The following DMRT1 variants were observed in gnomAD, a reference collection of about 807,000 sequenced individuals.
The protein encoded by DMRT1 is doublesex and mab-3 related transcription factor 1.
DMRT1 carries 7 observed loss-of-function variants against 32.3 expected under a neutral mutation model. The ratio of observed to expected loss-of-function variants is 0.22; its 90% CI spans 0.12 to 0.41. The LOEUF (loss-of-function observed/expected upper bound fraction) is 0.41. DMRT1 is among the 10% of genes least tolerant of loss of function. DMRT1 has a pLI of 1.00. For missense variants in DMRT1, 625 were observed against 500.5 expected (o/e 1.25, Z -2.37); for synonymous variants, 278 against 206.1 (o/e 1.35, Z -2.99).
chr9:962,989 A>G (rs1819824275), intron 4 of DMRT1, among the ~76,000 whole-genome samples: 1 of 152,036 alleles, frequency 6.6e-6, no homozygotes, highest in African/African-American at 2.4e-5. Context: ...TTGGCCTACT[A>G]TTATTTTGTG....
In DMRT1 at chr9:874,699, A is replaced by G. The variant is rs112029687; in HGVS notation, c.539-19213A>G. Reference sequence around the variant, plus strand: ...TTAGGTATGCATCCTCTCTGTGGACACAAAAGGAACTTCCTTCTTGGCTGT... The same window carrying G: ...TTAGGTATGCATCCTCTCTGTGGACGCAAAAGGAACTTCCTTCTTGGCTGT... On this transcript the variant is annotated intron_variant, in intron 2 of 4. Coordinates refer to ENST00000382276, the MANE Select transcript of DMRT1 (RefSeq NM_021951.3). 1.4e-4 allele frequency among the ~76,000 whole-genome samples: 22 copies of G among 152,164 alleles called. 1 individual carries two copies. Among genetic ancestry groups the G allele is most frequent in the Admixed American group, 7.2e-4 (11 of 15,282 alleles).
chr9:842,378 G>A, intron 1 of DMRT1, 186 bp downstream of exon 1: 1 of 725,608 alleles, frequency 1.4e-6, no homozygotes, highest in Non-Finnish European at 2.2e-6. Context: ...GGGACTACAG[G>A]CGCACACCAC....
At chr9:869,795 A>G (rs1251936363) in intron 2 of DMRT1, among the ~76,000 whole-genome samples, 1 of 151,906 alleles carries the variant, frequency 6.6e-6, no homozygotes, top group African/African-American at 2.4e-5. Context: ...CGCACAGTTA[A>G]TAGTCTTTTC....
rs550294188 is a variant in DMRT1 at position 966,633 on chromosome 9, G to A, written c.968-1352G>A. On this transcript the variant is annotated intron_variant, in intron 4 of 4. Coordinates refer to ENST00000382276, the MANE Select transcript of DMRT1 (RefSeq NM_021951.3). ...TGAAAGAATGTGGTCCAGTGGAGTG[G>A]TTAAGGGCCTGCTTCTTAAATCCTA... Among the ~76,000 whole-genome samples, 4 of 152,320 alleles carry A rather than the reference G, an allele frequency of 2.6e-5. No individual in the cohort carries two copies. The South Asian group carries it at 8.3e-4, about 32-fold the overall frequency.
chr9:940,879 A>G (rs1284174020), intron 4 of DMRT1, among the ~76,000 whole-genome samples: 1 of 152,214 alleles, frequency 6.6e-6, no homozygotes, highest in Non-Finnish European at 1.5e-5. Context: ...TGGCCAAAGG[A>G]CTTGAACAGA....
intron 4 of DMRT1, among the ~76,000 whole-genome samples, chr9:945,503 A>G (rs1424870080): frequency 2.6e-5 from 4 of 152,170 alleles, no homozygotes; most frequent in Non-Finnish European, 4.4e-5. Context: ...TCGTACTTTC[A>G]TCAAGATGAA....
At chr9:868,386 C>T (rs1247639634) in intron 2 of DMRT1, among the ~76,000 whole-genome samples, 1 of 152,094 alleles carries the variant, frequency 6.6e-6, no homozygotes, top group Non-Finnish European at 1.5e-5. Flanking sequence ...TGATAATATC[C>T]GGTGTATTGA....
chr9:852,686 C>G (rs1815205483), intron 2 of DMRT1, among the ~76,000 whole-genome samples: 1 of 152,186 alleles, frequency 6.6e-6, no homozygotes, highest in South Asian at 2.1e-4. Context: ...TCTTGGGGCC[C>G]TCCCTTTTGG....
intron 2 of DMRT1, among the ~76,000 whole-genome samples, chr9:861,111 G>A (rs113675847): frequency 0.21 from 30,589 of 148,264 alleles, 3,435 homozygotes; most frequent in Middle Eastern, 0.31. Flanking sequence ...CTCGGAGAGG[G>A]GGATTTGGCA....
intron 1 of DMRT1, 33 bp from the exon 2 acceptor site, chr9:846,927 G>A: frequency 6.2e-7 from 1 of 1,613,710 alleles, no homozygotes; most frequent in Non-Finnish European, 8.5e-7. Context: ...ATTCTGGAGT[G>A]CTGGAGGATG....
chr9:868,615 C>A (rs911940320), intron 2 of DMRT1, among the ~76,000 whole-genome samples: 7 of 152,212 alleles, frequency 4.6e-5, no homozygotes, highest in African/African-American at 1.4e-4. Flanking sequence ...ACCTCCTGGT[C>A]TTCAACCTTA....
At chr9:873,890 T>C (rs1035156912) in intron 2 of DMRT1, among the ~76,000 whole-genome samples, 10 of 152,194 alleles carry the variant, frequency 6.6e-5, no homozygotes, top group African/African-American at 2.2e-4. Flanking sequence ...GTTCACCTTC[T>C]AGTACTCCCC....
intron 1 of DMRT1, among the ~76,000 whole-genome samples, chr9:845,916 A>T (rs1838883921): frequency 6.6e-6 from 1 of 151,526 alleles, no homozygotes; most frequent in Admixed American, 6.6e-5. Context: ...TGTGAAAGAC[A>T]TTTCTCTCTC....
intron 2 of DMRT1, among the ~76,000 whole-genome samples, chr9:880,977 A>G (rs578070331): frequency 6.6e-6 from 1 of 152,238 alleles, no homozygotes; most frequent in Non-Finnish European, 1.5e-5. Flanking sequence ...TAAGGGTGTG[A>G]TTTCTTGACA....
chr9:844,001 A>G (rs7862426), intron 1 of DMRT1, among the ~76,000 whole-genome samples: 37,159 of 151,880 alleles, frequency 0.24, 4,536 homozygotes, highest in Middle Eastern at 0.29. Flanking sequence ...AAATTAATGG[A>G]CTTTTAAATT....
intron 4 of DMRT1, among the ~76,000 whole-genome samples, chr9:949,666 C>T (rs1819366770): frequency 6.6e-6 from 1 of 152,294 alleles, no homozygotes; most frequent in East Asian, 1.9e-4. Flanking sequence ...GCACAGATTT[C>T]TAGGACTTAT....
chr9:863,911 T>A (rs558449786), intron 2 of DMRT1, among the ~76,000 whole-genome samples: 2 of 152,174 alleles, frequency 1.3e-5, no homozygotes, highest in African/African-American at 4.8e-5. Flanking sequence ...ATCAAGAATT[T>A]CCTTATTTAT....
At chr9:843,074 C>T (rs946737090) in intron 1 of DMRT1, 3 of 152,220 alleles carry the variant, frequency 2.0e-5, no homozygotes, top group Non-Finnish European at 4.4e-5. Context: ...CCGACCGCGC[C>T]TTGGGAGCAG....
chr9:959,951 A>G (rs959045814), intron 4 of DMRT1, among the ~76,000 whole-genome samples: 5 of 152,240 alleles, frequency 3.3e-5, no homozygotes, highest in African/African-American at 1.2e-4. Flanking sequence ...TGCATCCATT[A>G]TTAAACACCC....
Sources: gnomAD v4.1 joint callset for allele counts (sites outside exome capture counted in the v4.1 genomes callset) on GRCh38, gnomAD v4.1.1 for gene constraint, MANE v1.5 for transcripts, NCBI Gene and HGNC (gene_info 2026-07-23, HGNC 2026-07-21) for gene names.